CDH18: variants seen among roughly 807,000 people sequenced by gnomAD.
The protein encoded by CDH18 is cadherin-18.
In CDH18, 31 loss-of-function variants were observed where a neutral mutation model predicts 67.9. That is an observed-to-expected ratio of 0.46 (90% confidence interval 0.34 to 0.62). The LOEUF (loss-of-function observed/expected upper bound fraction) is 0.62, where lower values mean the gene tolerates loss of function less well. CDH18 is among the 20% of genes least tolerant of loss of function. CDH18 has a pLI of 0.01. For missense variants in CDH18, 890 were observed against 975.5 expected (o/e 0.91, Z 1.17); for synonymous variants, 362 against 347.2 (o/e 1.04, Z -0.48).
chr5:20,243,377 C>A (rs898704672), intron 2 of CDH18, among the ~76,000 whole-genome samples: 3 of 152,070 alleles, frequency 2.0e-5, no homozygotes, highest in African/African-American at 7.2e-5. Context: ...TCAGATTTAA[C>A]TGAATATTGT....
intron 1 of CDH18, among the ~76,000 whole-genome samples, chr5:20,260,695 G>A (rs1744584954): frequency 1.3e-5 from 2 of 152,078 alleles, no homozygotes; most frequent in Admixed American, 6.6e-5. Flanking sequence ...TAGTATGATG[G>A]TACATTATGT....
intron 2 of CDH18, among the ~76,000 whole-genome samples, chr5:20,216,818 A>T (rs1740816910): frequency 6.6e-6 from 1 of 151,886 alleles, no homozygotes; most frequent in African/African-American, 2.4e-5. Context: ...CTATCTCAAG[A>T]TATTTAATAA....
chr5:20,506,065 G>A (rs1324394015), intron 1 of CDH18, among the ~76,000 whole-genome samples: 3 of 152,114 alleles, frequency 2.0e-5, no homozygotes, highest in African/African-American at 7.2e-5. Flanking sequence ...GTCAAAAAAA[G>A]GATGACACAT....
intron 2 of CDH18, among the ~76,000 whole-genome samples, chr5:19,926,461 C>G (rs1181509670): frequency 2.4e-4 from 36 of 152,052 alleles, no homozygotes; most frequent in Admixed American, 2.4e-3. Context: ...CATGTACTTA[C>G]TTATCTTTGG....
At chr5:20,316,615 A>G (rs1473612555) in intron 1 of CDH18, among the ~76,000 whole-genome samples, 4 of 152,062 alleles carry the variant, frequency 2.6e-5, no homozygotes. Flanking sequence ...TAAGCCACTA[A>G]TTAGAGCCTC....
At chr5:19,912,450 G>C (rs929891173) in intron 2 of CDH18, among the ~76,000 whole-genome samples, 4 of 152,102 alleles carry the variant, frequency 2.6e-5, no homozygotes, top group Non-Finnish European at 4.4e-5. Context: ...TATCAAACTG[G>C]AGTGGGGAAT....
chr5:20,275,038 T>C (rs1745700947), intron 1 of CDH18, among the ~76,000 whole-genome samples: 1 of 152,056 alleles, frequency 6.6e-6, no homozygotes, highest in South Asian at 2.1e-4. Context: ...GATTTGCCAA[T>C]AAGTAGTAGA....
chr5:19,549,698 GAAGA>G (rs763236432), intron 8 of CDH18, among the ~76,000 whole-genome samples: 16 of 141,460 alleles, frequency 1.1e-4, no homozygotes, highest in Admixed American at 2.2e-4. Flanking sequence ...GCGAAAGAAA[GAAGA>G]AAGAAAGAAA....
chr5:19,613,290 T>C (rs1436952588), intron 5 of CDH18, among the ~76,000 whole-genome samples: 3 of 152,168 alleles, frequency 2.0e-5, no homozygotes, highest in Non-Finnish European at 2.9e-5. Context: ...CAGAGGCTAA[T>C]TTTCATCTTT....
In CDH18 at chr5:19,721,439, G is replaced by C. The variant is rs1369682406; in HGVS notation, c.551C>G (p.Thr184Ser). The C allele has an allele frequency of 6.2e-7, 1 of 1,612,200 alleles. No homozygotes were observed. Among genetic ancestry groups the C allele is most frequent in the Non-Finnish European group, 8.5e-7 (1 of 1,178,664 alleles). ...MGTSVLQVTATDADDPTYGNS... is the reference protein window; with the variant it reads ...MGTSVLQVTASDADDPTYGNS... The stretch of plus-strand genomic sequence containing the variant: ...TCCATAGGTAGGGTCATCTGCATCA[G>C]TAGCTGTCACCTGTAGAACAGAGGT... Residue 184 changes from threonine (T) to serine (S), a missense_variant, in exon 5 of 13, where the codon ACT becomes AGT. Thr to Ser is a moderately conservative substitution (Grantham distance 58). Coordinates refer to ENST00000382275, the MANE Select transcript of CDH18 (RefSeq NM_004934.5).
At chr5:20,426,165 G>T (rs1012113199) in intron 1 of CDH18, among the ~76,000 whole-genome samples, 15 of 151,018 alleles carry the variant, frequency 9.9e-5, no homozygotes, top group Non-Finnish European at 2.1e-4. Context: ...TGACAACTTT[G>T]TGGCTCAGTT....
At chr5:19,994,738 T>TATATATAG (rs1735809299) in intron 2 of CDH18, among the ~76,000 whole-genome samples, 1 of 13,566 alleles carries the variant, frequency 7.4e-5, no homozygotes, top group African/African-American at 3.0e-4. Flanking sequence ...TATATATATA[T>TATATATAG]AGAGAGAGAG....
chr5:19,748,005 C>T (rs1005283255), intron 3 of CDH18, among the ~76,000 whole-genome samples: 7 of 146,044 alleles, frequency 4.8e-5, no homozygotes, highest in Admixed American at 2.8e-4. Context: ...CCCAGCTACT[C>T]GGGGGGCTGA....
chr5:20,002,038 A>G (rs551752057), intron 2 of CDH18, among the ~76,000 whole-genome samples: 13 of 152,218 alleles, frequency 8.5e-5, no homozygotes, highest in South Asian at 2.1e-4. Context: ...GTCCCTAACC[A>G]TATGTTCTGC....
At chr5:20,300,583 C>T (rs1192694628) in intron 1 of CDH18, among the ~76,000 whole-genome samples, 1 of 152,006 alleles carries the variant, frequency 6.6e-6, no homozygotes, top group African/African-American at 2.4e-5. Flanking sequence ...TGTTGAGATT[C>T]CCCATATCCT....
At chr5:20,565,416 A>C (rs1036985449) in intron 1 of CDH18, among the ~76,000 whole-genome samples, 2 of 152,086 alleles carry the variant, frequency 1.3e-5, no homozygotes, top group African/African-American at 4.8e-5. Context: ...GGTAAGTGCA[A>C]AATCTTAGCT....
intron 5 of CDH18, among the ~76,000 whole-genome samples, chr5:19,636,511 G>A (rs542670873): frequency 2.0e-5 from 3 of 151,900 alleles, no homozygotes; most frequent in Non-Finnish European, 4.4e-5. Flanking sequence ...AAAAAATAAT[G>A]TGTTTAAGGT....
chr5:19,880,244 C>T (rs536339290), intron 2 of CDH18, among the ~76,000 whole-genome samples: 1 of 151,732 alleles, frequency 6.6e-6, no homozygotes, highest in African/African-American at 2.4e-5. Context: ...TCAAAAGTTA[C>T]CAAAAGAAGT....
chr5:20,108,382 G>A (rs1747165804), intron 2 of CDH18, among the ~76,000 whole-genome samples: 1 of 152,076 alleles, frequency 6.6e-6, no homozygotes, highest in Non-Finnish European at 1.5e-5. Flanking sequence ...GTGAGCCACT[G>A]TGCCTGCCCT....
Sources: gnomAD v4.1 joint callset for allele counts (sites outside exome capture counted in the v4.1 genomes callset) on GRCh38, gnomAD v4.1.1 for gene constraint, MANE v1.5 for transcripts, NCBI Gene and HGNC (gene_info 2026-07-23, HGNC 2026-07-21) for gene names.